Variants in LYPLAL1 observed in about 807,000 individuals in gnomAD.
LYPLAL1 encodes lysophospholipase like 1, also known as lysophospholipase-like protein 1.
In LYPLAL1, 23 loss-of-function variants were observed where a neutral mutation model predicts 19.7. The ratio of observed to expected loss-of-function variants is 1.17; its 90% CI spans 0.84 to 1.65. The LOEUF is 1.65. Among genes scored for constraint, LYPLAL1 ranks in the 40% most tolerant of loss-of-function variants. The pLI is 0.00. For synonymous variants in LYPLAL1, 119 were observed against 96.3 expected (o/e 1.24, Z -1.38); for missense variants, 355 against 279.4 (o/e 1.27, Z -1.93).
At chr1:219,308,592 T>C in the LYPLAL1 span, among the ~76,000 whole-genome samples, 1 of 152,130 alleles carries the variant, frequency 6.6e-6, no homozygotes, top group Non-Finnish European at 1.5e-5. Context: ...GCTCCAGCCA[T>C]GGCTGGAAGG....
At chr1:219,437,542 A>G in the LYPLAL1 span, among the ~76,000 whole-genome samples, 1 of 151,944 alleles carries the variant, frequency 6.6e-6, no homozygotes, top group Non-Finnish European at 1.5e-5. Context: ...TTAAATTGCA[A>G]TAGGAGGGAT....
the LYPLAL1 span, among the ~76,000 whole-genome samples, chr1:219,352,047 A>C: frequency 1.7e-4 from 26 of 152,312 alleles, no homozygotes; most frequent in East Asian, 4.8e-3. Flanking sequence ...CCATTGATAT[A>C]ACTATGGCTT....
chr1:219,397,243 C>T, the LYPLAL1 span, among the ~76,000 whole-genome samples: 2 of 152,244 alleles, frequency 1.3e-5, no homozygotes, highest in African/African-American at 4.8e-5. Context: ...TTGAACCAAC[C>T]TTGTATTCCA....
At chr1:219,198,721 A>C (rs1390721373) in intron 3 of LYPLAL1, 3 of 152,192 alleles carry the variant, frequency 2.0e-5, no homozygotes, top group Non-Finnish European at 2.9e-5. Flanking sequence ...GCCCAGAAAT[A>C]GGTTGCTAAA....
At chr1:219,350,581 G>C in the LYPLAL1 span, among the ~76,000 whole-genome samples, 3 of 152,348 alleles carry the variant, frequency 2.0e-5, no homozygotes, top group Non-Finnish European at 2.9e-5. Flanking sequence ...AGATAGCAAA[G>C]TGTAGAGCTG....
chr1:219,372,375 A>G, the LYPLAL1 span, among the ~76,000 whole-genome samples: 1 of 152,228 alleles, frequency 6.6e-6, no homozygotes, highest in Non-Finnish European at 1.5e-5. Context: ...GACCTTAAAA[A>G]TCATGTTCAG....
chr1:219,177,769 T>C (rs1655945495), intron 1 of LYPLAL1, among the ~76,000 whole-genome samples: 1 of 152,238 alleles, frequency 6.6e-6, no homozygotes, highest in Admixed American at 6.5e-5. Context: ...CATCTACTTT[T>C]GCTCTCTTTC....
chr1:219,400,807 CATCT>C, the LYPLAL1 span, among the ~76,000 whole-genome samples: 2 of 152,138 alleles, frequency 1.3e-5, no homozygotes, highest in Admixed American at 6.5e-5. Flanking sequence ...GCCTGTCTAT[CATCT>C]ATCTATCTAT....
the LYPLAL1 span, among the ~76,000 whole-genome samples, chr1:219,265,241 GTTA>G: frequency 1.3e-5 from 2 of 152,138 alleles, no homozygotes; most frequent in African/African-American, 2.4e-5. Context: ...AAAGCAGCAT[GTTA>G]TTATATCTGG....
chr1:219,217,837 T>G (rs1659349920), downstream of LYPLAL1, among the ~76,000 whole-genome samples: 1 of 152,098 alleles, frequency 6.6e-6, no homozygotes, highest in African/African-American at 2.4e-5. Flanking sequence ...GTAGCCATGA[T>G]ACTTTCTTAC....
At position 219,173,927 on chromosome 1, in the gene LYPLAL1, A is replaced by C. The variant is rs765879896; in HGVS notation, c.37A>C (p.Ile13Leu). Residue 13 changes from isoleucine (I) to leucine (L), a missense_variant, in exon 1 of 5, where the codon ATC becomes CTC. Coordinates refer to ENST00000366928, the MANE Select transcript of LYPLAL1 (RefSeq NM_138794.5). ...AASGSVLQRC[I>L]VSPAGRHSAS... ...GTCGGGGTCGGTTCTGCAGCGCTGTATCGTGTCGCCGGCAGGGAGGCATAG... is the reference window on the plus strand; with the variant it reads ...GTCGGGGTCGGTTCTGCAGCGCTGTCTCGTGTCGCCGGCAGGGAGGCATAG... The C allele has an allele frequency of 3.1e-6, 5 of 1,613,862 alleles. No homozygotes were observed. In the South Asian group the frequency reaches 5.5e-5, roughly 18 times the overall value.
chr1:219,410,745 GC>G, the LYPLAL1 span, among the ~76,000 whole-genome samples: 1 of 152,242 alleles, frequency 6.6e-6, no homozygotes, highest in South Asian at 2.1e-4. Context: ...CGCACTCGGA[GC>G]AGCCAGCCAG....
At chr1:219,346,852 G>A in the LYPLAL1 span, among the ~76,000 whole-genome samples, 9 of 152,194 alleles carry the variant, frequency 5.9e-5, no homozygotes, top group African/African-American at 1.7e-4. Context: ...GGAAGAGCAC[G>A]CCCTGCCTCT....
At chr1:219,175,453 T>C (rs1655735864) in intron 1 of LYPLAL1, among the ~76,000 whole-genome samples, 1 of 152,218 alleles carries the variant, frequency 6.6e-6, no homozygotes, top group African/African-American at 2.4e-5. Flanking sequence ...CCCTTTCTCA[T>C]AATCAATTCT....
the LYPLAL1 span, among the ~76,000 whole-genome samples, chr1:219,441,487 G>T: frequency 6.6e-6 from 1 of 152,104 alleles, no homozygotes; most frequent in African/African-American, 2.4e-5. Context: ...GAAGGAAATT[G>T]GTATATGGAG....
chr1:219,349,549 G>A, the LYPLAL1 span, among the ~76,000 whole-genome samples: 42,618 of 151,924 alleles, frequency 0.28, 6,248 homozygotes, highest in East Asian at 0.5. Flanking sequence ...AAGAGTGTGC[G>A]TGCATGTGAT....
At chr1:219,241,130 C>CTT in the LYPLAL1 span, among the ~76,000 whole-genome samples, 1 of 71,100 alleles carries the variant, frequency 1.4e-5, no homozygotes, top group African/African-American at 4.6e-5. Context: ...CTCTCTCTCT[C>CTT]TCTCTATATA....
chr1:219,194,212 C>A (rs1262640190), intron 3 of LYPLAL1, among the ~76,000 whole-genome samples: 1 of 151,850 alleles, frequency 6.6e-6, no homozygotes. Flanking sequence ...TTATGTTTAA[C>A]TCTATATTTC....
the LYPLAL1 span, among the ~76,000 whole-genome samples, chr1:219,340,385 T>C: frequency 6.6e-6 from 1 of 152,034 alleles, no homozygotes; most frequent in Non-Finnish European, 1.5e-5. Context: ...CTTCTGTTAT[T>C]ATACAAGAAA....
Sources: allele counts gnomAD v4.1 joint callset (sites outside exome capture counted in the v4.1 genomes callset), GRCh38; gene constraint gnomAD v4.1.1; transcripts MANE v1.5; gene names NCBI Gene and HGNC (gene_info 2026-07-23, HGNC 2026-07-21).